Variants in AGBL3 observed in about 807,000 individuals in gnomAD.
AGBL3 encodes the protein cytosolic carboxypeptidase 3.
A neutral mutation model predicts 94.5 loss-of-function variants in AGBL3; 68 were observed. The observed-to-expected ratio is 0.72, with a 90% CI of 0.59 to 0.88. The LOEUF (loss-of-function observed/expected upper bound fraction) is 0.88, where lower values mean the gene tolerates loss of function less well. Among genes scored for constraint, AGBL3 ranks in the 40% least tolerant of loss-of-function variants. The pLI is 0.00. For missense variants in AGBL3, 934 were observed against 1,103.8 expected (o/e 0.85, Z 2.18); for synonymous variants, 354 against 370.7 (o/e 0.95, Z 0.52).
chr7:135,085,251 T>C (rs1338334659), intron 15 of AGBL3, among the ~76,000 whole-genome samples: 1 of 152,148 alleles, frequency 6.6e-6, no homozygotes, highest in Non-Finnish European at 1.5e-5. Flanking sequence ...TGGATATTAA[T>C]CCCTTGTCAG....
intron 15 of AGBL3, among the ~76,000 whole-genome samples, chr7:135,114,577 C>A (rs898135188): frequency 6.6e-6 from 1 of 151,696 alleles, no homozygotes; most frequent in African/African-American, 2.4e-5. Context: ...ACCACTGATT[C>A]CTCTCTTATT....
chr7:134,988,226 T>C, intron 2 of AGBL3: 1 of 358,000 alleles, frequency 2.8e-6, no homozygotes, highest in Non-Finnish European at 5.1e-6. Flanking sequence ...ATATTTTAGC[T>C]AAGATTCTTC....
intron 8 of AGBL3, among the ~76,000 whole-genome samples, chr7:135,038,937 C>T (rs1305028332): frequency 2.7e-5 from 4 of 148,330 alleles, no homozygotes; most frequent in South Asian, 2.1e-4. Flanking sequence ...CCAGCCTGGA[C>T]GATAGAGCGA....
intron 7 of AGBL3, among the ~76,000 whole-genome samples, chr7:135,035,403 G>C (rs1042563791): frequency 2.2e-4 from 34 of 152,032 alleles, no homozygotes; most frequent in African/African-American, 8.2e-4. Context: ...AGACTTCCAA[G>C]AAAGAGAAAT....
intron 15 of AGBL3, among the ~76,000 whole-genome samples, chr7:135,090,788 A>T (rs1417896531): frequency 6.6e-6 from 1 of 152,158 alleles, no homozygotes; most frequent in Admixed American, 6.5e-5. Context: ...GGGAGAGTGT[A>T]ACAGCTTCAG....
At position 135,032,885 on chromosome 7, in the gene AGBL3, A is replaced by G; in HGVS notation, c.460A>G (p.Asn154Asp). 1.3e-6 allele frequency: 2 copies of G among 1,551,196 alleles called. No individual in the cohort carries two copies. Among genetic ancestry groups the G allele is most frequent in the Non-Finnish European group, 1.7e-6 (2 of 1,146,744 alleles). Residue 154 changes from asparagine (N) to aspartate (D), a missense_variant, in exon 6 of 17, where the codon AAC becomes GAC. Transcript: ENST00000436302. Reference sequence around the variant, plus strand: ...TTTTGTGTATTCCCGAGTTGGGGGTAACCGAACACCTTTGAAGCAGCCTGT... The same window carrying G: ...TTTTGTGTATTCCCGAGTTGGGGGTGACCGAACACCTTTGAAGCAGCCTGT... ...PCFVYSRVGG[N>D]RTPLKQPVDY...
chr7:135,036,164 T>C (rs1319004313), intron 7 of AGBL3, among the ~76,000 whole-genome samples: 5 of 152,110 alleles, frequency 3.3e-5, no homozygotes, highest in African/African-American at 4.8e-5. Context: ...TTTCCAGATA[T>C]AGCAAATAGT....
At position 135,059,148 on chromosome 7, in the gene AGBL3, C is replaced by T. The variant is rs370835336; in HGVS notation, c.1842-21C>T. On this transcript the variant is annotated intron_variant, in intron 11 of 16. Transcript: ENST00000436302. ...AGATGCCACCAAAACACTGTATAAA[C>T]CAAAATTATTTTTTTTGTAGTAGCC... 10 of 1,542,554 alleles carry T rather than the reference C, an allele frequency of 6.5e-6. No individual in the cohort carries two copies. The African/African-American group carries it at 1.1e-4, about 17-fold the overall frequency.
At chr7:135,049,058 A>G (rs1817638985) in intron 11 of AGBL3, among the ~76,000 whole-genome samples, 2 of 151,804 alleles carry the variant, frequency 1.3e-5, no homozygotes. Flanking sequence ...ACCTTTAAGT[A>G]TGCTGTTAGC....
intron 4 of AGBL3, among the ~76,000 whole-genome samples, chr7:135,004,289 T>C (rs1320639773): frequency 1.3e-5 from 2 of 151,720 alleles, no homozygotes; most frequent in South Asian, 4.1e-4. Flanking sequence ...AAAGTGCAGT[T>C]AGTCATTGTG....
At position 134,987,947 on chromosome 7, in the gene AGBL3, C is replaced by T; in HGVS notation, c.14C>T (p.Ser5Leu). 6.5e-7 allele frequency: 1 copy of T among 1,548,182 alleles called. No homozygotes were observed. The highest frequency in any genetic ancestry group is 8.7e-7 in the Non-Finnish European group (1 of 1,145,728). MSED[S>L]EKEDYSDRTI... Reference sequence around the variant, plus strand: ...ACACTGGAAAAGATGTCAGAAGATTCAGAAAAGGAAGACTATTCAGACAGA... The same window carrying T: ...ACACTGGAAAAGATGTCAGAAGATTTAGAAAAGGAAGACTATTCAGACAGA... Residue 5 changes from serine to leucine, a missense_variant, in exon 2 of 17, where the codon TCA becomes TTA. By Grantham distance (145) the Ser-to-Leu change is moderately radical. Around this residue, in one of 3 missense-constraint regions of AGBL3, gnomAD observed 488 missense variants for 563.6 expected, o/e 0.87. Transcript: ENST00000436302.
chr7:135,021,155 A>G (rs370557335), intron 5 of AGBL3, among the ~76,000 whole-genome samples: 10 of 152,080 alleles, frequency 6.6e-5, no homozygotes, highest in African/African-American at 2.4e-4. Flanking sequence ...TAGACACTTC[A>G]TTCTGTTCCA....
intron 5 of AGBL3, among the ~76,000 whole-genome samples, chr7:135,028,379 A>G (rs1815375421): frequency 6.6e-6 from 1 of 152,214 alleles, no homozygotes; most frequent in African/African-American, 2.4e-5. Context: ...TATGGAATAT[A>G]CTAAATCCTT....
At chr7:134,993,827 T>A in intron 4 of AGBL3, 149 bp downstream of exon 4, 1 of 759,334 alleles carries the variant, frequency 1.3e-6, no homozygotes, top group Non-Finnish European at 1.9e-6. Flanking sequence ...AATTTGCTTG[T>A]AGCCACATTT....
At chr7:135,070,643 G>T (rs1454326677) in intron 12 of AGBL3, among the ~76,000 whole-genome samples, 1 of 152,098 alleles carries the variant, frequency 6.6e-6, no homozygotes, top group African/African-American at 2.4e-5. Flanking sequence ...TATCTCAATA[G>T]ATGCAGAAAA....
chr7:135,052,211 C>T (rs1817940597), intron 11 of AGBL3, among the ~76,000 whole-genome samples: 1 of 152,036 alleles, frequency 6.6e-6, no homozygotes, highest in Admixed American at 6.6e-5. Flanking sequence ...ATTTTCATGT[C>T]CCTGTACCTT....
chr7:134,988,122 T>C, intron 2 of AGBL3, 126 bp downstream of exon 2: 1 of 766,258 alleles, frequency 1.3e-6, no homozygotes, highest in Non-Finnish European at 2.0e-6. Flanking sequence ...GTCATTGAAG[T>C]TGGGAAATAA....
chr7:135,101,518 G>A (rs1218310476), intron 15 of AGBL3, among the ~76,000 whole-genome samples: 1 of 151,824 alleles, frequency 6.6e-6, no homozygotes, highest in Non-Finnish European at 1.5e-5. Flanking sequence ...CTTAATTGCT[G>A]TATTCCTAAT....
intron 5 of AGBL3, among the ~76,000 whole-genome samples, chr7:135,022,138 G>A (rs567477957): frequency 7.9e-5 from 12 of 152,142 alleles, no homozygotes; most frequent in African/African-American, 1.2e-4. Context: ...ACATGTGCAC[G>A]TATCTTTACA....
Sources: gnomAD v4.1 joint callset for allele counts (sites outside exome capture counted in the v4.1 genomes callset) on GRCh38, gnomAD v4.1.1 for gene constraint, gnomAD v4.1.1 regional missense constraint, MANE v1.5 for transcripts, NCBI Gene and HGNC (gene_info 2026-07-23, HGNC 2026-07-21) for gene names.